RBM19: variants seen among roughly 807,000 people sequenced by gnomAD.
RBM19 encodes RNA binding motif protein 19.
RBM19 carries 94 observed loss-of-function variants against 116.8 expected under a neutral mutation model. The ratio of observed to expected loss-of-function variants is 0.80; its 90% CI spans 0.68 to 0.95. The LOEUF (loss-of-function observed/expected upper bound fraction) is 0.95. RBM19 is among the 40% of genes least tolerant of loss of function. The pLI, the probability that RBM19 is intolerant of heterozygous loss-of-function variation, is 0.00. For missense variants in RBM19, 1,161 were observed against 1,220.7 expected, an observed-to-expected ratio of 0.95 and a Z score of 0.73; for synonymous variants, 475 against 494.1, an observed-to-expected ratio of 0.96 and a Z score of 0.51.
intron 2 of RBM19, among the ~76,000 whole-genome samples, chr12:113,961,324 C>G (rs1159437508): frequency 1.3e-5 from 2 of 152,160 alleles, no homozygotes; most frequent in Non-Finnish European, 2.9e-5. Flanking sequence ...CCACACCTGG[C>G]CAGTTACAAT....
rs763962685 is a variant in RBM19 at position 113,825,177 on chromosome 12, G to A, written c.2786-1856C>T. On this transcript the variant is annotated intron_variant, in intron 23 of 23. Transcript: ENST00000261741. This position sits in a 1 kb window ranked among gnomAD's most constrained non-coding sequence, Gnocchi z 5.7. ...TGTGAAATATCCCAGAAAGGGGAAT[G>A]AGCGGACGGAGCAAGGGTGAGAGAG... Among the ~76,000 whole-genome samples, 3 of 152,372 alleles carry A rather than the reference G, an allele frequency of 2.0e-5. No homozygotes were observed. The East Asian group carries it at 5.8e-4, about 29-fold the overall frequency.
intron 17 of RBM19, among the ~76,000 whole-genome samples, chr12:113,925,963 A>G (rs560146249): frequency 2.2e-4 from 34 of 152,352 alleles, no homozygotes; most frequent in Middle Eastern, 3.4e-3. Context: ...CAAAAATGGA[A>G]CCAGGAAATA....
At chr12:113,871,967 T>C (rs1235774277) in intron 21 of RBM19, among the ~76,000 whole-genome samples, 6 of 139,302 alleles carry the variant, frequency 4.3e-5, no homozygotes, top group Middle Eastern at 4.2e-3. Flanking sequence ...AAGTGAGGAG[T>C]GTCTCTGCCT....
intron 21 of RBM19, among the ~76,000 whole-genome samples, chr12:113,907,580 C>T (rs7957114): frequency 0.078 from 11,840 of 152,238 alleles, 1,540 homozygotes; most frequent in African/African-American, 0.27. Flanking sequence ...CCGGTCCTCG[C>T]GGCCAGCCCT....
rs553552450 is a variant in RBM19 at position 113,823,822 on chromosome 12, G to A, written c.2786-501C>T. Among the ~76,000 whole-genome samples the A allele has an allele frequency of 9.8e-5, 15 of 152,286 alleles. No individual in the cohort carries two copies. The East Asian group carries it at 1.2e-3, about 12-fold the overall frequency. On this transcript the variant is annotated intron_variant, in intron 23 of 23. Coordinates refer to ENST00000261741, the MANE Select transcript of RBM19 (RefSeq NM_016196.4). ...GAGGCTGGACCAAGCAGTGGACAAC[G>A]GCTGGGGAGACAAGTAGAAGTTGTT...
chr12:113,929,659 C>T (rs754183947), intron 16 of RBM19, among the ~76,000 whole-genome samples: 1 of 152,204 alleles, frequency 6.6e-6, no homozygotes, highest in African/African-American at 2.4e-5. Flanking sequence ...GATATTTCCA[C>T]CCAGCTGGCC....
Position 113,886,679 on chromosome 12 carries a change from CTTTTGT to C in RBM19, c.2559-27789_2559-27784del, listed in dbSNP as rs10622695. ...ACAATGCGGTTTTGTTTTGTTTTTG[CTTTTGT>C]TTTTGTTTTTGTTTTTGTTTTAACC... On this transcript the variant is annotated intron_variant, in intron 21 of 23. Coordinates refer to ENST00000261741, the MANE Select transcript of RBM19 (RefSeq NM_016196.4). 9.6e-3 allele frequency among the ~76,000 whole-genome samples: 1,457 copies of C among 151,516 alleles called. 19 individuals are homozygous for C. Among genetic ancestry groups the C allele is most frequent in the Middle Eastern group, 0.027 (8 of 292 alleles).
In RBM19 at chr12:113,920,640, G is replaced by T. The variant is rs1436997421; in HGVS notation, c.2356C>A (p.Gln786Lys). 2 of 1,613,998 alleles carry T rather than the reference G, an allele frequency of 1.2e-6. No individual in the cohort carries two copies. The highest frequency in any genetic ancestry group is 2.7e-5 in the African/African-American group (2 of 74,898). The change falls in exon 19 of 24, where the codon CAA becomes AAA. Residue 786 changes from glutamine to lysine, a missense_variant. Transcript: ENST00000261741. Reference protein sequence around the residue: ...FGFVEYRKPEQAQKALKQLQG... With the variant: ...FGFVEYRKPEKAQKALKQLQG... ...AGCTGCTTGAGAGCTTTCTGGGCTT[G>T]CTCCGGCTTCCTGTATTCCACAAAT...
chr12:113,910,598 C>T (rs895930853), intron 21 of RBM19, among the ~76,000 whole-genome samples: 10 of 152,116 alleles, frequency 6.6e-5, no homozygotes, highest in East Asian at 1.9e-4. Context: ...ATGGGCAAGC[C>T]GAGGGTCCAT....
intron 21 of RBM19, among the ~76,000 whole-genome samples, chr12:113,897,631 G>A (rs1881426167): frequency 6.6e-6 from 1 of 152,190 alleles, no homozygotes; most frequent in Admixed American, 6.5e-5. Flanking sequence ...GGGCAATATA[G>A]CAACACTCTG....
chr12:113,927,188 C>A lies in RBM19; in HGVS notation c.2110G>T (p.Glu704Ter). The change falls in exon 17 of 24, where the codon GAA becomes TAA. Residue 704 changes from glutamate to a stop codon, truncating the protein, a stop_gained. Transcript: ENST00000261741. LOFTEE classifies it high-confidence loss of function. ...TTTGCTGAAGAGTTGTCTGCTCCTT[C>A]CTCTGTTGGATTTTCATCTTCTGGG... ...ETPEDENPTE[E>*]GADNSSAKME... 6.3e-7 allele frequency: 1 copy of A among 1,582,086 alleles called. No individual in the cohort carries two copies. The highest frequency in any genetic ancestry group is 8.6e-7 in the Non-Finnish European group (1 of 1,163,144).
At chr12:113,942,486 C>T (rs769345970) in intron 13 of RBM19, 52 bp from the exon 14 acceptor site, 56 of 1,463,428 alleles carry the variant, frequency 3.8e-5, no homozygotes, top group Non-Finnish European at 5.2e-5. Context: ...AGGTGACTTG[C>T]TGGCCCTCCC....
chr12:113,840,411 T>C (rs954779264), intron 23 of RBM19, among the ~76,000 whole-genome samples: 5 of 152,170 alleles, frequency 3.3e-5, no homozygotes, highest in Non-Finnish European at 5.9e-5. Flanking sequence ...TGGGCATCGT[T>C]TCTCAGGGCT....
intron 16 of RBM19, among the ~76,000 whole-genome samples, chr12:113,930,954 T>G (rs915215369): frequency 6.6e-6 from 1 of 152,078 alleles, no homozygotes; most frequent in Non-Finnish European, 1.5e-5. Context: ...ACCTATAAAA[T>G]AGAGCTTATT....
At position 113,903,980 on chromosome 12, in the gene RBM19, G is replaced by A. The variant is rs560028864; in HGVS notation, c.2558+10989C>T. ...CCCACAGCTGGTTAATGTGAACCCT[G>A]GAGTCCACTAAGAACTCAAGATCTT... On this transcript the variant is annotated intron_variant, in intron 21 of 23. Coordinates refer to ENST00000261741, the MANE Select transcript of RBM19 (RefSeq NM_016196.4). The surrounding 1 kb of genome is among the most constrained non-coding windows in gnomAD (Gnocchi z 5.1). Among the ~76,000 whole-genome samples the A allele has an allele frequency of 6.6e-6, 1 of 152,238 alleles. No homozygotes were observed. Among genetic ancestry groups the A allele is most frequent in the South Asian group, 2.1e-4 (1 of 4,816 alleles).
At chr12:113,934,510 C>G (rs1298451200) in intron 16 of RBM19, among the ~76,000 whole-genome samples, 1 of 152,198 alleles carries the variant, frequency 6.6e-6, no homozygotes, top group East Asian at 1.9e-4. Context: ...CACTCACACA[C>G]ACTTCCTGAT....
intron 18 of RBM19, 151 bp from the exon 19 acceptor site, chr12:113,920,841 C>G: frequency 2.8e-6 from 2 of 722,440 alleles, no homozygotes; most frequent in Non-Finnish European, 2.4e-6. Context: ...ACCTGGCTTG[C>G]TGTTTATCAT....
In RBM19 at chr12:113,841,429, T is replaced by C. The variant is rs1715520311; in HGVS notation, c.2785+3239A>G. On this transcript the variant is annotated intron_variant, in intron 23 of 23. Coordinates refer to ENST00000261741, the MANE Select transcript of RBM19 (RefSeq NM_016196.4). ...GGACTTTCTTTTTCTTTTCTTTTTTTTTTTTTTTTTTTGAGATGGAGTCTC... is the reference window on the plus strand; with the variant it reads ...GGACTTTCTTTTTCTTTTCTTTTTTCTTTTTTTTTTTTGAGATGGAGTCTC... Among the ~76,000 whole-genome samples, 4 of 148,500 alleles carry C rather than the reference T, an allele frequency of 2.7e-5. No homozygotes were observed. In the South Asian group the frequency reaches 8.7e-4, roughly 32 times the overall value.
At chr12:113,927,604 A>AC (rs1491565321) in intron 16 of RBM19, among the ~76,000 whole-genome samples, 3 of 92,728 alleles carry the variant, frequency 3.2e-5, no homozygotes, top group African/African-American at 1.3e-4. Flanking sequence ...AAAAAAAAAA[A>AC]CAAAAAAAAA....
Sources: allele counts gnomAD v4.1 joint callset (sites outside exome capture counted in the v4.1 genomes callset), GRCh38; gene constraint gnomAD v4.1.1; non-coding constraint Gnocchi (gnomAD v3.1); transcripts MANE v1.5; gene names NCBI Gene and HGNC (gene_info 2026-07-23, HGNC 2026-07-21).